Variants in SLC4A4 observed in about 807,000 individuals in gnomAD.
The protein encoded by SLC4A4 is electrogenic sodium bicarbonate cotransporter 1.
Under a neutral mutation model 111.5 loss-of-function variants are expected in SLC4A4, and 27 were observed. That is an observed-to-expected ratio of 0.24 (90% confidence interval 0.18 to 0.33). The LOEUF (loss-of-function observed/expected upper bound fraction) is 0.33, where lower values mean the gene tolerates loss of function less well. Ranked by LOEUF, SLC4A4 falls within the 10% of genes least tolerant of loss-of-function variation. SLC4A4 has a pLI of 1.00. For missense variants in SLC4A4, 909 were observed against 1,315.5 expected (o/e 0.69, Z 4.78); for synonymous variants, 443 against 463.4 (o/e 0.96, Z 0.57).
chr4:71,119,563 T>C (rs1052174156), intron 2 of SLC4A4, among the ~76,000 whole-genome samples: 4 of 151,868 alleles, frequency 2.6e-5, no homozygotes, highest in Admixed American at 2.6e-4. Context: ...GTTTAATTCT[T>C]TTTTTTTAAG....
At chr4:71,338,444 T>G (rs559243129) in intron 3 of SLC4A4, among the ~76,000 whole-genome samples, 1 of 152,302 alleles carries the variant, frequency 6.6e-6, no homozygotes, top group African/African-American at 2.4e-5. Context: ...CCAGGGATTT[T>G]GAGGAGTATT....
At chr4:71,479,738 G>T (rs1453291864) in intron 14 of SLC4A4, among the ~76,000 whole-genome samples, 1 of 151,744 alleles carries the variant, frequency 6.6e-6, no homozygotes, top group East Asian at 1.9e-4. Context: ...TACCGGCACA[G>T]TTGACATTTT....
intron 2 of SLC4A4, among the ~76,000 whole-genome samples, chr4:71,148,597 A>C (rs182994470): frequency 2.6e-4 from 40 of 152,084 alleles, no homozygotes; most frequent in African/African-American, 9.6e-4. Flanking sequence ...CCTTCTTTGC[A>C]TTCATGTGTT....
intron 4 of SLC4A4, among the ~76,000 whole-genome samples, chr4:71,346,158 T>C (rs1373283207): frequency 6.6e-6 from 1 of 152,100 alleles, no homozygotes; most frequent in Non-Finnish European, 1.5e-5. Flanking sequence ...GTCTTTTTTT[T>C]CTTCAACAAA....
intron 2 of SLC4A4, among the ~76,000 whole-genome samples, chr4:71,171,224 T>C (rs1744931143): frequency 6.6e-6 from 1 of 152,078 alleles, no homozygotes; most frequent in African/African-American, 2.4e-5. Context: ...AAAATTAACG[T>C]GGCTTTGCGT....
chr4:71,478,209 C>T (rs961946517), intron 14 of SLC4A4, among the ~76,000 whole-genome samples: 3 of 152,018 alleles, frequency 2.0e-5, no homozygotes, highest in Admixed American at 2.0e-4. Flanking sequence ...GTGGTGATTC[C>T]TCAAGGATCT....
Position 71,568,014 on chromosome 4 carries a change from C to T in SLC4A4, c.*263C>T. 2 of 650,906 alleles carry T rather than the reference C, an allele frequency of 3.1e-6. No homozygotes were observed. Among genetic ancestry groups the T allele is most frequent in the South Asian group, 1.8e-5 (1 of 55,906 alleles). The allele number at this position is 650,906 out of a possible 1,614,324, so 40.3% of individuals were successfully genotyped here. ...TTTGGTCACAGGCCAAATAATACAGCGCTCTCTCTGCTTCTCTCTTGCATA... is the reference window on the plus strand; with the variant it reads ...TTTGGTCACAGGCCAAATAATACAGTGCTCTCTCTGCTTCTCTCTTGCATA... On this transcript the variant is annotated 3_prime_UTR_variant, in exon 26 of 26. Coordinates refer to ENST00000264485, the MANE Select transcript of SLC4A4 (RefSeq NM_001098484.3).
chr4:71,136,643 C>A (rs1187354246), intron 2 of SLC4A4, among the ~76,000 whole-genome samples: 1 of 152,058 alleles, frequency 6.6e-6, no homozygotes, highest in Admixed American at 6.6e-5. Flanking sequence ...TAGCATTTCC[C>A]CCATGCATTA....
At chr4:71,086,617 G>T (rs187810931) in intron 1 of SLC4A4, among the ~76,000 whole-genome samples, 4 of 152,080 alleles carry the variant, frequency 2.6e-5, no homozygotes, top group Non-Finnish European at 5.9e-5. Flanking sequence ...AGCATGAAGG[G>T]TTGTTGAATT....
At chr4:71,535,371 T>C (rs1734324075) in intron 18 of SLC4A4, among the ~76,000 whole-genome samples, 1 of 152,026 alleles carries the variant, frequency 6.6e-6, no homozygotes, top group African/African-American at 2.4e-5. Context: ...TGATAAACTA[T>C]CCAAGTAGGG....
At chr4:71,225,240 T>A (rs2149026780) in intron 1 of SLC4A4, among the ~76,000 whole-genome samples, 1 of 151,972 alleles carries the variant, frequency 6.6e-6, no homozygotes, top group African/African-American at 2.4e-5. Context: ...TAATCCCAGC[T>A]ACTTGGGAGG....
At chr4:71,185,256 C>T (rs1196339010), upstream of SLC4A4, among the ~76,000 whole-genome samples, 1 of 152,188 alleles carries the variant, frequency 6.6e-6, no homozygotes, top group Non-Finnish European at 1.5e-5. Context: ...AATACATAAT[C>T]CACAGTGTGA....
chr4:71,364,000 A>G (rs1731028271), intron 6 of SLC4A4, among the ~76,000 whole-genome samples: 1 of 152,150 alleles, frequency 6.6e-6, no homozygotes, highest in Admixed American at 6.5e-5. Context: ...CAGATGACTG[A>G]TTTTCCAAAT....
chr4:71,416,035 A>G (rs1721797197), intron 7 of SLC4A4, among the ~76,000 whole-genome samples: 1 of 152,234 alleles, frequency 6.6e-6, no homozygotes, highest in Admixed American at 6.5e-5. Flanking sequence ...TAATAAATGG[A>G]AGAACTGAGA....
At chr4:71,294,126 A>G (rs1048323669) in intron 3 of SLC4A4, among the ~76,000 whole-genome samples, 2 of 152,220 alleles carry the variant, frequency 1.3e-5, no homozygotes, top group African/African-American at 4.8e-5. Context: ...ACGACCTTCA[A>G]TTCTTTCTGG....
intron 16 of SLC4A4, among the ~76,000 whole-genome samples, chr4:71,498,154 T>C (rs1000147073): frequency 5.3e-5 from 8 of 152,064 alleles, no homozygotes; most frequent in Non-Finnish European, 1.2e-4. Context: ...GTTACACAAG[T>C]ATTGGTGTAA....
chr4:71,567,672 A>G (rs1737610334), intron 25 of SLC4A4, 116 bp from the exon 26 acceptor site: 1 of 534,642 alleles, frequency 1.9e-6, no homozygotes, highest in Non-Finnish European at 3.3e-6. Context: ...AGAGAATATA[A>G]ATATTAAAAG....
intron 6 of SLC4A4, among the ~76,000 whole-genome samples, chr4:71,379,059 C>T (rs746434931): frequency 3.9e-5 from 6 of 152,150 alleles, no homozygotes; most frequent in Non-Finnish European, 7.3e-5. Flanking sequence ...CTTGTGGGAC[C>T]ACTTGAATAT....
At chr4:71,137,953 C>G (rs1373035066) in intron 2 of SLC4A4, among the ~76,000 whole-genome samples, 1 of 152,152 alleles carries the variant, frequency 6.6e-6, no homozygotes, top group Non-Finnish European at 1.5e-5. Flanking sequence ...AGAAAATGCA[C>G]TGGGGGCTTC....
Sources: gnomAD v4.1 joint callset for allele counts (sites outside exome capture counted in the v4.1 genomes callset) on GRCh38, gnomAD v4.1.1 for gene constraint, MANE v1.5 for transcripts, NCBI Gene and HGNC (gene_info 2026-07-23, HGNC 2026-07-21) for gene names.